AHNAK2: variants seen among roughly 807,000 people sequenced by gnomAD.
AHNAK2 encodes the protein protein AHNAK2.
Under a neutral mutation model 30.7 loss-of-function variants are expected in AHNAK2, and 18 were observed. The ratio of observed to expected loss-of-function variants is 0.59; its 90% CI spans 0.41 to 0.87. The LOEUF (loss-of-function observed/expected upper bound fraction) is 0.87. Ranked by LOEUF, AHNAK2 falls within the 40% of genes least tolerant of loss-of-function variation. AHNAK2 has a pLI of 0.00. For synonymous variants in AHNAK2, 3,590 were observed against 3,073.8 expected (o/e 1.17, Z -5.56); for missense variants, 8,604 against 7,373.0 (o/e 1.17, Z -6.11).
Position 104,949,681 on chromosome 14 carries a change from G to C in AHNAK2, c.5770C>G (p.Pro1924Ala). 1 of 1,587,064 alleles carries C rather than the reference G, an allele frequency of 6.3e-7. No individual in the cohort carries two copies. Among genetic ancestry groups the C allele is most frequent in the Non-Finnish European group, 8.6e-7 (1 of 1,162,890 alleles). ...FKMPKVDLKG[P>A]QTDVKGAKLD... Reference sequence around the variant, plus strand: ...TTGGCGCCCTTAACATCTGTCTGGGGGCCCTTGAGGTCCACTTTGGGCATC... The same window carrying C: ...TTGGCGCCCTTAACATCTGTCTGGGCGCCCTTGAGGTCCACTTTGGGCATC... Residue 1924 changes from proline to alanine, a missense_variant, in exon 7 of 7, where the codon CCC (proline) becomes GCC (alanine). Pro to Ala is a conservative substitution (Grantham distance 27, BLOSUM62 -1). Transcript: ENST00000333244.
At position 104,953,376 on chromosome 14, in the gene AHNAK2, T is replaced by C. The variant is rs761855187; in HGVS notation, c.2075A>G (p.Lys692Arg). ...MPLFGASAPGKSMEASVDVSA... is the reference protein window; with the variant it reads ...MPLFGASAPGRSMEASVDVSA... ...CACATCCACCGAGGCCTCCATGGAC[T>C]TGCCTGGGGCTGACGCCCCGAACAA... The change falls in exon 7 of 7, where the codon AAG becomes AGG. Residue 692 changes from lysine to arginine, a missense_variant. Physicochemically the swap from Lys to Arg is conservative, Grantham distance 26. Coordinates refer to ENST00000333244, the MANE Select transcript of AHNAK2 (RefSeq NM_138420.4). 7.4e-6 allele frequency: 12 copies of C among 1,613,918 alleles called. No individual in the cohort carries two copies. Among genetic ancestry groups the C allele is most frequent in the Middle Eastern group, 1.6e-4 (1 of 6,062 alleles).
Position 104,953,056 on chromosome 14 carries a change from T to G in AHNAK2, c.2395A>C (p.Met799Leu). ...APDVKMSLSS[M>L]EVDVQAPRAK... ...CTCGGGGCCTGGACGTCCACCTCCA[T>G]GCTGGACAGAGACATCTTCACATCG... Residue 799 changes from methionine (M) to leucine (L), a missense_variant, in exon 7 of 7, where the codon ATG becomes CTG. Physicochemically the swap from Met to Leu is conservative, Grantham distance 15. Transcript: ENST00000333244. 6.2e-7 allele frequency: 1 copy of G among 1,613,312 alleles called. No individual in the cohort carries two copies. Among genetic ancestry groups the G allele is most frequent in the Non-Finnish European group, 8.5e-7 (1 of 1,179,720 alleles).
In AHNAK2 at chr14:104,948,473, C is replaced by G. The variant is rs10145032; in HGVS notation, c.6978G>C (p.Leu2326=). The G allele has an allele frequency of 0.54, 872,016 of 1,611,576 alleles. 239,747 individuals are homozygous for G. Among genetic ancestry groups the G allele is most frequent in the Middle Eastern group, 0.66 (4,016 of 6,050 alleles). The change falls in exon 7 of 7, where the codon CTG becomes CTC. Residue 2326 remains leucine, a synonymous_variant. Coordinates refer to ENST00000333244, the MANE Select transcript of AHNAK2 (RefSeq NM_138420.4). ...TGCCAAGGGCAGACACCCCAAACGACAGCATCTTGAACTTGGGCATTTTGA... is the reference window on the plus strand; with the variant it reads ...TGCCAAGGGCAGACACCCCAAACGAGAGCATCTTGAACTTGGGCATTTTGA... ...SKFKMPKFKM[L]SFGVSALGKS...
At chr14:104,961,324 C>T (rs911481871) in intron 1 of AHNAK2, among the ~76,000 whole-genome samples, 4 of 151,664 alleles carry the variant, frequency 2.6e-5, no homozygotes, top group Admixed American at 2.0e-4. Context: ...ACCATCCTGG[C>T]TAACACAGTG....
At chr14:104,960,701 G>C (rs1566923553) in intron 1 of AHNAK2, among the ~76,000 whole-genome samples, 1 of 152,226 alleles carries the variant, frequency 6.6e-6, no homozygotes. Context: ...AGGTCTTCCA[G>C]AACTGGATTG....
At position 104,954,632 on chromosome 14, in the gene AHNAK2, C is replaced by A. The variant is rs1049940812; in HGVS notation, c.819G>T (p.Pro273=). The A allele has an allele frequency of 6.2e-7, 1 of 1,612,466 alleles. No homozygotes were observed. The highest frequency in any genetic ancestry group is 8.5e-7 in the Non-Finnish European group (1 of 1,179,584). The change falls in exon 7 of 7, where the codon CCG becomes CCT. Residue 273 remains proline (P), a synonymous_variant. Coordinates refer to ENST00000333244, the MANE Select transcript of AHNAK2 (RefSeq NM_138420.4). The surrounding 1 kb of genome is among the most constrained non-coding windows in gnomAD (Gnocchi z 4.3). ...ACGAGCTGTGTGACCTCTGGGGTCC[C>A]GGCCCCCGCTTGCTCTTTATGGATT... ...KFQSIKSKRG[P]GPQRSHSSSE...
At position 104,953,968 on chromosome 14, in the gene AHNAK2, C is replaced by A. The variant is rs371140675; in HGVS notation, c.1483G>T (p.Ala495Ser). ...RVHDLKTPKF[A>S]FSTEKEPERE... ...TCTGGCTCTTTTTCTGTGGAAAATG[C>A]AAATTTTGGTGTCTTTAAATCGTGT... is the stretch of plus-strand genomic sequence containing the variant. Residue 495 changes from alanine (A) to serine (S), a missense_variant, in exon 7 of 7, where the codon GCA becomes TCA. Ala to Ser is a moderately conservative substitution (Grantham distance 99). Transcript: ENST00000333244. The A allele has an allele frequency of 4.3e-6, 7 of 1,613,890 alleles. No homozygotes were observed. The highest frequency in any genetic ancestry group is 5.9e-6 in the Non-Finnish European group (7 of 1,179,882).
At position 104,950,355 on chromosome 14, in the gene AHNAK2, C is replaced by T. The variant is rs372745878; in HGVS notation, c.5096G>A (p.Gly1699Glu). The change falls in exon 7 of 7, where the codon GGG becomes GAG. Residue 1699 changes from glycine to glutamate, a missense_variant. Gly to Glu is a moderately conservative substitution (Grantham distance 98). Coordinates refer to ENST00000333244, the MANE Select transcript of AHNAK2 (RefSeq NM_138420.4). ...EADVSLPSMQ[G>E]DLKTTDLSIQ... ...GCTGAGGTCAGTGGTCTTCAGGTCC[C>T]CCTGCATGGAGGGGAGGCTCACATC... 1.0e-5 allele frequency: 16 copies of T among 1,586,074 alleles called. 1 individual carries two copies. The highest frequency in any genetic ancestry group is 1.4e-5 in the Non-Finnish European group (16 of 1,162,658).
At position 104,940,945 on chromosome 14, in the gene AHNAK2, C is replaced by T. The variant is rs267603896; in HGVS notation, c.14506G>A (p.Gly4836Arg). The change falls in exon 7 of 7, where the codon GGA (glycine) becomes AGA (arginine). Residue 4836 changes from glycine to arginine, a missense_variant. Physicochemically the swap from Gly to Arg is moderately radical, Grantham distance 125. Coordinates refer to ENST00000333244, the MANE Select transcript of AHNAK2 (RefSeq NM_138420.4). This position sits in a 1 kb window ranked among gnomAD's most constrained non-coding sequence, Gnocchi z 4.4. ...CTCTCAGCTTGAGATGTTGGAACTC[C>T]CTCTGGAGGCTGCAGGTCAGTGGAG... Reference protein sequence around the residue: ...ECSTDLQPPEGVPTSQAESHS... With the variant: ...ECSTDLQPPERVPTSQAESHS... 49 of 1,612,632 alleles carry T rather than the reference C, an allele frequency of 3.0e-5. No homozygotes were observed. Among genetic ancestry groups the T allele is most frequent in the Non-Finnish European group, 3.6e-5 (42 of 1,179,700 alleles).
Position 104,978,251 on chromosome 14 carries a change from C to G in AHNAK2, c.-14G>C. 1 of 1,074,500 alleles carries G rather than the reference C, an allele frequency of 9.3e-7. No individual in the cohort carries two copies. 66.6% of individuals were successfully genotyped at this position (1,074,500 alleles called of 1,614,324 possible). ...GCAGTCGCACATCGCGGCGGCCAGG[C>G]GGTGCGGGCCTGGCGGCCCGTCGCG... is the stretch of plus-strand genomic sequence containing the variant. On this transcript the variant is annotated 5_prime_UTR_variant, in exon 1 of 7. Coordinates refer to ENST00000333244, the MANE Select transcript of AHNAK2 (RefSeq NM_138420.4).
Position 104,938,733 on chromosome 14 carries a change from G to C in AHNAK2, c.16718C>G (p.Pro5573Arg), listed in dbSNP as rs772004705. 6.2e-7 allele frequency: 1 copy of C among 1,613,774 alleles called. No individual in the cohort carries two copies. The change falls in exon 7 of 7, where the codon CCA becomes CGA. Residue 5573 changes from proline (P) to arginine (R), a missense_variant. Transcript: ENST00000333244. ...SGDLQPDTGE[P>R]FEMISSSVNV... ...GACGCTGGAAGAGATCATCTCAAAT[G>C]GTTCTCCAGTGTCAGGCTGGAGATC...
rs199561819 is a variant in AHNAK2, at chr14:104,951,863, G to T, written c.3588C>A (p.Asp1196Glu). The part of the protein sequence containing the change: ...VDVSAPKVEA[D>E]VSLPSMQGDL... ...CCCCCTGCATGGAGGGGAGACTCACGTCGGCCTCCACTTTGGGTGCAGACA... is the reference window on the plus strand; with the variant it reads ...CCCCCTGCATGGAGGGGAGACTCACTTCGGCCTCCACTTTGGGTGCAGACA... Residue 1196 changes from aspartate to glutamate, a missense_variant, in exon 7 of 7, where the codon GAC becomes GAA. By Grantham distance (45) the Asp-to-Glu change is conservative (BLOSUM62 2). Coordinates refer to ENST00000333244, the MANE Select transcript of AHNAK2 (RefSeq NM_138420.4). 26 of 1,607,554 alleles carry T rather than the reference G, an allele frequency of 1.6e-5. No homozygotes were observed. Among genetic ancestry groups the T allele is most frequent in the East Asian group, 8.9e-5 (4 of 44,740 alleles).
rs766003080 is a variant in AHNAK2 at position 104,945,754 on chromosome 14, T to G, written c.9697A>C (p.Ser3233Arg). 4 of 1,596,286 alleles carry G rather than the reference T, an allele frequency of 2.5e-6. No individual in the cohort carries two copies. Among genetic ancestry groups the G allele is most frequent in the Non-Finnish European group, 8.5e-7 (1 of 1,169,948 alleles). ...KGHLPKLQMP[S>R]FKMPKVDRKG... Reference sequence around the variant, plus strand: ...CGATCTACTTTGGGCATCTTGAAACTGGGCATCTGCAACTTGGGCAGGTGC... The same window carrying G: ...CGATCTACTTTGGGCATCTTGAAACGGGGCATCTGCAACTTGGGCAGGTGC... Residue 3233 changes from serine to arginine, a missense_variant, in exon 7 of 7, where the codon AGT (serine) becomes CGT (arginine). Ser to Arg is a moderately radical substitution (Grantham distance 110). Coordinates refer to ENST00000333244, the MANE Select transcript of AHNAK2 (RefSeq NM_138420.4).
chr14:104,956,655 C>T lies in AHNAK2; in HGVS notation c.248G>A (p.Arg83Lys), dbSNP rs777735794. Residue 83 changes from arginine to lysine, a missense_variant, in exon 4 of 7, where the codon AGA becomes AAA. Arg to Lys is a conservative substitution (Grantham distance 26, BLOSUM62 2). Transcript: ENST00000333244. ...ATCTCGCTTCCACCAGGATCTCCGTCTCCCAGCAGAACCTTGCCTGCCGGG... is the reference window on the plus strand; with the variant it reads ...ATCTCGCTTCCACCAGGATCTCCGTTTCCCAGCAGAACCTTGCCTGCCGGG... ...DAPGRQGSAG[R>K]RRSWWKRDSG... The T allele has an allele frequency of 6.2e-7, 1 of 1,613,896 alleles. No homozygotes were observed. Among genetic ancestry groups the T allele is most frequent in the Non-Finnish European group, 8.5e-7 (1 of 1,179,872 alleles).
intron 1 of AHNAK2, among the ~76,000 whole-genome samples, chr14:104,973,604 G>C (rs1411859954): frequency 6.6e-6 from 1 of 152,168 alleles, no homozygotes; most frequent in Admixed American, 6.5e-5. Context: ...GGTCCCCCAA[G>C]TGTCCTGCCC....
In AHNAK2 at chr14:104,949,950, C is replaced by T. The variant is rs1268544048; in HGVS notation, c.5501G>A (p.Gly1834Glu). 5.0e-6 allele frequency: 8 copies of T among 1,589,382 alleles called. 1 individual carries two copies. The Admixed American group carries it at 1.4e-4, about 27-fold the overall frequency. Residue 1834 changes from glycine to glutamate, a missense_variant, in exon 7 of 7, where the codon GGG (glycine) becomes GAG (glutamate). By Grantham distance (98) the Gly-to-Glu change is moderately conservative. Transcript: ENST00000333244. Reference sequence around the variant, plus strand: ...GATGGACTTGCCTGGGGCAGACACCCCGAACGACGGCATCTTGAACTTGGG... The same window carrying T: ...GATGGACTTGCCTGGGGCAGACACCTCGAACGACGGCATCTTGAACTTGGG... ...KMPKFKMPSFGVSAPGKSIEA... is the reference protein window; with the variant it reads ...KMPKFKMPSFEVSAPGKSIEA...
rs774002762 is a variant in AHNAK2 at position 104,953,406 on chromosome 14, A to G, written c.2045T>C (p.Met682Thr). ...DSKFKMPKFK[M>T]PLFGASAPGK... ...TGGGGCTGACGCCCCGAACAATGGC[A>G]TCTTGAACTTGGGCATTTTGAACTT... The change falls in exon 7 of 7, where the codon ATG becomes ACG. Residue 682 changes from methionine (M) to threonine (T), a missense_variant. By Grantham distance (81) the Met-to-Thr change is moderately conservative. Coordinates refer to ENST00000333244, the MANE Select transcript of AHNAK2 (RefSeq NM_138420.4). 3 of 1,613,974 alleles carry G rather than the reference A, an allele frequency of 1.9e-6. No homozygotes were observed. The highest frequency in any genetic ancestry group is 2.5e-6 in the Non-Finnish European group (3 of 1,179,880).
intron 1 of AHNAK2, among the ~76,000 whole-genome samples, chr14:104,972,768 C>G (rs1331223204): frequency 6.6e-6 from 1 of 152,248 alleles, no homozygotes; most frequent in Non-Finnish European, 1.5e-5. Flanking sequence ...ACTGGCTCTG[C>G]CTGGGGCACC....
rs1217959101 is a variant in AHNAK2 at position 104,947,397 on chromosome 14, G to C, written c.8054C>G (p.Pro2685Arg). The C allele has an allele frequency of 6.2e-7, 1 of 1,612,632 alleles. No individual in the cohort carries two copies. The highest frequency in any genetic ancestry group is 1.1e-5 in the South Asian group (1 of 91,022). Residue 2685 changes from proline to arginine, a missense_variant, in exon 7 of 7, where the codon CCC becomes CGC. Pro to Arg is a moderately radical substitution (Grantham distance 103). Transcript: ENST00000333244. ...ELKVEADMSL[P>R]SMQGDLKTTD... ...GGTCTTAAGGTCCCCTTGCATGGAGGGGAGGCTCATGTCGGCTTCCACCTT... is the reference window on the plus strand; with the variant it reads ...GGTCTTAAGGTCCCCTTGCATGGAGCGGAGGCTCATGTCGGCTTCCACCTT...
Sources: allele counts gnomAD v4.1 joint callset (sites outside exome capture counted in the v4.1 genomes callset), GRCh38; gene constraint gnomAD v4.1.1; non-coding constraint Gnocchi (gnomAD v3.1); transcripts MANE v1.5; gene names NCBI Gene and HGNC (gene_info 2026-07-23, HGNC 2026-07-21).